Variants in POLG observed in about 807,000 individuals in gnomAD.
POLG encodes the protein DNA polymerase gamma, catalytic subunit.
POLG carries 110 observed loss-of-function variants against 155.4 expected under a neutral mutation model. The observed-to-expected ratio is 0.71, with a 90% confidence interval of 0.61 to 0.83. POLG has a LOEUF of 0.83. Among genes scored for constraint, POLG ranks in the 40% least tolerant of loss-of-function variants. POLG has a pLI of 0.00. For missense variants in POLG, 1,685 were observed against 1,627.5 expected, an observed-to-expected ratio of 1.04 and a Z score of -0.61; for synonymous variants, 701 against 631.5, an observed-to-expected ratio of 1.11 and a Z score of -1.65.
intron 21 of POLG, 171 bp from the exon 22 acceptor site, chr15:89,317,707 A>T: frequency 2.9e-6 from 2 of 684,678 alleles, no homozygotes; most frequent in Non-Finnish European, 5.2e-6. Context: ...TTTTCCATCC[A>T]GCAGCCTAAC....
chr15:89,333,593 C>T lies in POLG; in HGVS notation c.162G>A (p.Gln54=), dbSNP rs796052878. ...ATAGCACTTGCGGCTGCTGAGGCTG[C>T]TGTTGCTGCTGCTGCTGCTGCTGCT... ...QQQQQQQQQQ[Q]QPQQPQVLSS... is the part of the protein sequence containing the mutation. Residue 54 remains glutamine, a synonymous_variant, in exon 2 of 23, where the codon CAG becomes CAA. Coordinates refer to ENST00000268124, the MANE Select transcript of POLG (RefSeq NM_002693.3). 4 of 1,602,938 alleles carry T rather than the reference C, an allele frequency of 2.5e-6. No individual in the cohort carries two copies. Among genetic ancestry groups the T allele is most frequent in the Admixed American group, 3.4e-5 (2 of 59,560 alleles).
chr15:89,321,354 G>C (rs137926714), intron 16 of POLG, 94 bp from the exon 17 acceptor site: 103 of 1,411,990 alleles, frequency 7.3e-5, no homozygotes, highest in Non-Finnish European at 9.1e-5. Context: ...TTCCTGAGGG[G>C]ATGGCTTTAG....
chr15:89,316,852 G>C, intron 22 of POLG, 25 bp from the exon 23 acceptor site: 1 of 1,545,994 alleles, frequency 6.5e-7, no homozygotes, highest in Non-Finnish European at 8.9e-7. Context: ...AAATTGGTTA[G>C]GATGCCACCT....
chr15:89,320,749 G>T lies in POLG; in HGVS notation c.2981+17C>A. On this transcript the variant is annotated intron_variant, in intron 18 of 22. Coordinates refer to ENST00000268124, the MANE Select transcript of POLG (RefSeq NM_002693.3). ...TCGGGTCCTGGGTGTTAAAGTGGATGGGAGAGGGACCCTCACCAGCGGAGG... is the reference window on the plus strand; with the variant it reads ...TCGGGTCCTGGGTGTTAAAGTGGATTGGAGAGGGACCCTCACCAGCGGAGG... 1 of 1,611,768 alleles carries T rather than the reference G, an allele frequency of 6.2e-7. No individual in the cohort carries two copies. Among genetic ancestry groups the T allele is most frequent in the South Asian group, 1.1e-5 (1 of 90,958 alleles).
rs1567185105 is a variant in POLG at position 89,318,633 on chromosome 15, G to A, written c.3390C>T (p.Cys1130=). 6.2e-7 allele frequency: 1 copy of A among 1,614,214 alleles called. No homozygotes were observed. Among genetic ancestry groups the A allele is most frequent in the Non-Finnish European group, 8.5e-7 (1 of 1,180,030 alleles). Residue 1130 remains cysteine (C), a synonymous_variant, in exon 21 of 23, where the codon TGC becomes TGT. Transcript: ENST00000268124. Reference sequence around the variant, plus strand: ...AGCGAACCTCGTCATGGATGCTGATGCAGAAGCGCCCATCTATGGCAAACT... The same window carrying A: ...AGCGAACCTCGTCATGGATGCTGATACAGAAGCGCCCATCTATGGCAAACT... The part of the protein sequence containing the change: ...FEEFAIDGRF[C]ISIHDEVRYL...
chr15:89,317,642 C>CCAA (rs1259631074), intron 21 of POLG, 106 bp from the exon 22 acceptor site: 6 of 1,065,340 alleles, frequency 5.6e-6, no homozygotes, highest in Non-Finnish European at 7.2e-6. Context: ...TTCCCCTGGA[C>CCAA]CAACACCCCA....
Position 89,318,965 on chromosome 15 carries a change from C to A in POLG, c.3239G>T (p.Ser1080Ile). 6.2e-7 allele frequency: 1 copy of A among 1,614,170 alleles called. No homozygotes were observed. Among genetic ancestry groups the A allele is most frequent in the African/African-American group, 1.3e-5 (1 of 75,040 alleles). Reference protein sequence around the residue: ...PRTPVLGCCISRALEPSAVQE... With the variant: ...PRTPVLGCCIIRALEPSAVQE... ...GACAGCCGAGGGCTCCAGGGCTCGG[C>A]TGATGCAGCAGCCCAGCACCGGGGT... The change falls in exon 20 of 23, where the codon AGC becomes ATC. Residue 1080 changes from serine (S) to isoleucine (I), a missense_variant. Around this residue, in one of 3 missense-constraint regions of POLG, gnomAD observed 470 missense variants for 439.9 expected, o/e 1.07. Coordinates refer to ENST00000268124, the MANE Select transcript of POLG (RefSeq NM_002693.3).
chr15:89,326,742 T>C lies in POLG; in HGVS notation c.1586-4A>G. Reference sequence around the variant, plus strand: ...TCCTCACTGCAGGGGCCGAGGTCTGTGAGGGTGGGGGAAGACAATCAGGAG... The same window carrying C: ...TCCTCACTGCAGGGGCCGAGGTCTGCGAGGGTGGGGGAAGACAATCAGGAG... On this transcript the variant is annotated splice_region_variant and splice_polypyrimidine_tract_variant and intron_variant, in intron 8 of 22. Coordinates refer to ENST00000268124, the MANE Select transcript of POLG (RefSeq NM_002693.3). 6.2e-7 allele frequency: 1 copy of C among 1,614,064 alleles called. No individual in the cohort carries two copies. The highest frequency in any genetic ancestry group is 1.7e-5 in the Admixed American group (1 of 60,028).
chr15:89,327,495 T>C, intron 6 of POLG, 146 bp from the exon 7 acceptor site: 1 of 734,676 alleles, frequency 1.4e-6, no homozygotes. Flanking sequence ...GCTCTACTGT[T>C]ACTCATCCCT....
rs868826739 is a variant in POLG at position 89,325,301 on chromosome 15, T to G, written c.1949+149A>C. The G allele has an allele frequency of 7.8e-5, 47 of 603,876 alleles. 1 individual carries two copies. The highest frequency in any genetic ancestry group is 1.2e-4 in the Admixed American group (5 of 40,720). 37.4% of individuals were successfully genotyped at this position (603,876 alleles called of 1,614,324 possible). On this transcript the variant is annotated intron_variant, in intron 10 of 22. Transcript: ENST00000268124. ...GAGAGAGAAAGAGAGAGAGAGAGGG[T>G]GTGTGTGTGTGTGTTAATTTTTTTC...
Position 89,333,564 on chromosome 15 carries a change from G to A in POLG, c.191C>T (p.Ser64Leu), listed in dbSNP as rs1397887879. The change falls in exon 2 of 23, where the codon TCG becomes TTG. Residue 64 changes from serine to leucine, a missense_variant. By Grantham distance (145) the Ser-to-Leu change is moderately radical. Around this residue, in one of 3 missense-constraint regions of POLG, gnomAD observed 1,210 missense variants for 1,167.1 expected, o/e 1.04. Coordinates refer to ENST00000268124, the MANE Select transcript of POLG (RefSeq NM_002693.3). Reference sequence around the variant, plus strand: ...GTTGTGCCGCAGCTGCCCGCCCTCCGAGGATAGCACTTGCGGCTGCTGAGG... The same window carrying A: ...GTTGTGCCGCAGCTGCCCGCCCTCCAAGGATAGCACTTGCGGCTGCTGAGG... ...QQPQQPQVLS[S>L]EGGQLRHNPL... is the part of the protein sequence containing the mutation. The A allele has an allele frequency of 4.3e-6, 7 of 1,611,054 alleles. No individual in the cohort carries two copies. The highest frequency in any genetic ancestry group is 5.9e-6 in the Non-Finnish European group (7 of 1,178,978).
rs760161593 is a variant in POLG at position 89,328,723 on chromosome 15, C to G, written c.1132G>C (p.Val378Leu). ...CGAATGTCCTTCATGGTGCCCTTCA[C>G]AAACAGTTCTCGAGGCTCCTTCTCT... ...PLEKEPRELFVKGTMKDIREN... is the reference protein window; with the variant it reads ...PLEKEPRELFLKGTMKDIREN... Residue 378 changes from valine (V) to leucine (L), a missense_variant, in exon 5 of 23, where the codon GTG becomes CTG. Val to Leu is a conservative substitution (Grantham distance 32). Transcript: ENST00000268124. 6.2e-7 allele frequency: 1 copy of G among 1,614,172 alleles called. No individual in the cohort carries two copies. The highest frequency in any genetic ancestry group is 8.5e-7 in the Non-Finnish European group (1 of 1,180,032).
rs1274613582 is a variant in POLG, at chr15:89,325,089, T to TGAGA, written c.1949+360_1949+361insTCTC. 3.4e-4 allele frequency among the ~76,000 whole-genome samples: 14 copies of TGAGA among 41,242 alleles called. 2 individuals carry two copies. The highest frequency in any genetic ancestry group is 8.3e-4 in the African/African-American group (7 of 8,406). The allele number at this position is 41,242 out of a possible 152,430, so 27.1% of individuals were successfully genotyped here. On this transcript the variant is annotated intron_variant, in intron 10 of 22. Transcript: ENST00000268124. The stretch of plus-strand genomic sequence containing the variant: ...GTGAGTGAGTGAGTGAGTGAGAGAG[T>TGAGA]GAGTGAGTGAGAGAGTGAGAGAGAG...
At chr15:89,318,876 TCTGCC>T in intron 20 of POLG, 50 bp downstream of exon 20, 2 of 1,591,264 alleles carry the variant, frequency 1.3e-6, no homozygotes, top group Non-Finnish European at 1.7e-6. Context: ...CACAGGGAGC[TCTGCC>T]CTGCCCTCCC....
At chr15:89,323,269 C>G (rs2055424401) in intron 13 of POLG, 135 bp downstream of exon 13, 2 of 703,450 alleles carry the variant, frequency 2.8e-6, no homozygotes, top group East Asian at 5.4e-5. Context: ...CAGTATGTGC[C>G]TGAAATCACA....
Position 89,316,529 on chromosome 15 carries a change from C to CTT in POLG, c.*220_*221dup, listed in dbSNP as rs2055270612. ...TTTTACCCAACAAGCAACAATGCCCCTTGTCCTGTAGTCCACACCGATGTT... is the reference window on the plus strand; with the variant it reads ...TTTTACCCAACAAGCAACAATGCCCCTTTTGTCCTGTAGTCCACACCGATGTT... On this transcript the variant is annotated 3_prime_UTR_variant, in exon 23 of 23. Transcript: ENST00000268124. The CTT allele has an allele frequency of 2.0e-6, 3 of 1,474,280 alleles. No homozygotes were observed. In the African/African-American group the frequency reaches 4.2e-5, roughly 21 times the overall value. The allele number at this position is 1,474,280 out of a possible 1,614,324, so 91.3% of individuals were successfully genotyped here. A position where few individuals can be genotyped will look rare whatever the true frequency, so the allele number is the denominator to read the frequency against.
In POLG at chr15:89,316,485, T is replaced by G; in HGVS notation, c.*266A>C. On this transcript the variant is annotated 3_prime_UTR_variant, in exon 23 of 23. Transcript: ENST00000268124. ...ATGAAATGCCTGAGTTAATGTGAACTTTGGGGCTTCTGCTTCATTTTTACC... is the reference window on the plus strand; with the variant it reads ...ATGAAATGCCTGAGTTAATGTGAACGTTGGGGCTTCTGCTTCATTTTTACC... 3 of 1,595,906 alleles carry G rather than the reference T, an allele frequency of 1.9e-6. No individual in the cohort carries two copies. The highest frequency in any genetic ancestry group is 2.6e-6 in the Non-Finnish European group (3 of 1,169,674).
rs771254207 is a variant in POLG at position 89,321,771 on chromosome 15, C to A, written c.2563G>T (p.Val855Leu). The A allele has an allele frequency of 1.2e-6, 2 of 1,613,990 alleles. No individual in the cohort carries two copies. Among genetic ancestry groups the A allele is most frequent in the African/African-American group, 2.7e-5 (2 of 74,932 alleles). The change falls in exon 16 of 23, where the codon GTG becomes TTG. Residue 855 changes from valine (V) to leucine (L), a missense_variant. Transcript: ENST00000268124. Reference sequence around the variant, plus strand: ...CTGGCGGTGAGCCATGTGGGCTCCACAGCCCGGCGAGTGATGGTGCCGGCA... The same window carrying A: ...CTGGCGGTGAGCCATGTGGGCTCCAAAGCCCGGCGAGTGATGGTGCCGGCA... The part of the protein sequence containing the change: ...VTAGTITRRA[V>L]EPTWLTASNA...
Position 89,333,065 on chromosome 15 carries a change from T to A in POLG, c.659+31A>T, listed in dbSNP as rs553397365. The A allele has an allele frequency of 3.8e-5, 57 of 1,503,924 alleles. No individual in the cohort carries two copies. In the East Asian group the frequency reaches 1.2e-3, roughly 32 times the overall value. 93.2% of individuals were successfully genotyped at this position (1,503,924 alleles called of 1,614,324 possible). A position where few individuals can be genotyped will look rare whatever the true frequency, so the allele number is the denominator to read the frequency against. ...AACTATTAAGCTGGGCCCCCATGCCTGCTTATGTCCCCAACCCTGCCCCTA... is the reference window on the plus strand; with the variant it reads ...AACTATTAAGCTGGGCCCCCATGCCAGCTTATGTCCCCAACCCTGCCCCTA... On this transcript the variant is annotated intron_variant, in intron 2 of 22. Coordinates refer to ENST00000268124, the MANE Select transcript of POLG (RefSeq NM_002693.3).
Sources: gnomAD v4.1 joint callset for allele counts (sites outside exome capture counted in the v4.1 genomes callset) on GRCh38, gnomAD v4.1.1 for gene constraint, gnomAD v4.1.1 regional missense constraint, MANE v1.5 for transcripts, NCBI Gene and HGNC (gene_info 2026-07-23, HGNC 2026-07-21) for gene names.